Variants in GNPTAB observed in about 807,000 individuals in gnomAD.
GNPTAB encodes N-acetylglucosamine-1-phosphate transferase subunits alpha and beta.
GNPTAB carries 92 observed loss-of-function variants against 136.6 expected under a neutral mutation model. The observed-to-expected ratio is 0.67, with a 90% CI of 0.57 to 0.80. GNPTAB has a LOEUF of 0.80. Ranked by LOEUF, GNPTAB falls within the 30% of genes least tolerant of loss-of-function variation. The pLI, the probability that GNPTAB is intolerant of heterozygous loss-of-function variation, is 0.00. For missense variants in GNPTAB, 1,343 were observed against 1,501.8 expected, an observed-to-expected ratio of 0.89 and a Z score of 1.75; for synonymous variants, 512 against 535.1, an observed-to-expected ratio of 0.96 and a Z score of 0.60.
chr12:101,755,029 T>C (rs1415549093), intron 18 of GNPTAB, among the ~76,000 whole-genome samples: 1 of 152,208 alleles, frequency 6.6e-6, no homozygotes, highest in Non-Finnish European at 1.5e-5. Context: ...GTGAAAGGTG[T>C]ACATTGACAA....
intron 11 of GNPTAB, among the ~76,000 whole-genome samples, chr12:101,767,014 T>C (rs1379196156): frequency 6.6e-6 from 1 of 152,238 alleles, no homozygotes; most frequent in Non-Finnish European, 1.5e-5. Context: ...CAGTAGAGAC[T>C]GACTTCTCTG....
chr12:101,781,566 T>A (rs1282317219), intron 5 of GNPTAB, among the ~76,000 whole-genome samples: 5 of 152,038 alleles, frequency 3.3e-5, no homozygotes, highest in African/African-American at 1.2e-4. Flanking sequence ...GCACCTATAG[T>A]CCCAGCTACT....
chr12:101,751,849 G>A (rs1028389055), intron 19 of GNPTAB, among the ~76,000 whole-genome samples: 2 of 152,208 alleles, frequency 1.3e-5, no homozygotes, highest in Non-Finnish European at 1.5e-5. Context: ...TGGGGAATGG[G>A]CTGTCCAGGT....
At position 101,753,385 on chromosome 12, in the gene GNPTAB, C is replaced by A; in HGVS notation, c.3589G>T (p.Glu1197Ter). ...ATGAGAATTTACCATTCCTGCAGCT[C>A]ATGCATATGAAGGAAACGGTTTCGA... is the stretch of plus-strand genomic sequence containing the variant. ...EYRNRFLHMH[E>*]LQEWRAYRDK... Residue 1197 changes from glutamate (E) to a stop codon, truncating the protein, a stop_gained, in exon 19 of 21, where the codon GAG becomes TAG. Coordinates refer to ENST00000299314, the MANE Select transcript of GNPTAB (RefSeq NM_024312.5). LOFTEE classifies it high-confidence loss of function. 2 of 1,613,724 alleles carry A rather than the reference C, an allele frequency of 1.2e-6. No homozygotes were observed. The highest frequency in any genetic ancestry group is 1.7e-6 in the Non-Finnish European group (2 of 1,179,630).
At chr12:101,814,080 A>G (rs1256705066) in intron 1 of GNPTAB, among the ~76,000 whole-genome samples, 1 of 76,850 alleles carries the variant, frequency 1.3e-5, no homozygotes, top group Non-Finnish European at 2.4e-5. Context: ...CTCCATCTCA[A>G]AAAAAAAAAA....
chr12:101,830,699 C>A lies in GNPTAB; in HGVS notation c.-24G>T. On this transcript the variant is annotated 5_prime_UTR_variant, in exon 1 of 21. Transcript: ENST00000299314. The stretch of plus-strand genomic sequence containing the variant: ...ATCACCCCTTCACCGCCACGCCACG[C>A]CCCGAGGAGCCTGAGCCGCCGCCGC... 1 of 1,431,630 alleles carries A rather than the reference C, an allele frequency of 7.0e-7. No homozygotes were observed. The highest frequency in any genetic ancestry group is 9.7e-7 in the Non-Finnish European group (1 of 1,034,246). 88.7% of individuals were successfully genotyped at this position (1,431,630 alleles called of 1,614,324 possible).
At chr12:101,799,767 T>G (rs544496493) in intron 1 of GNPTAB, among the ~76,000 whole-genome samples, 2 of 149,078 alleles carry the variant, frequency 1.3e-5, no homozygotes, top group Non-Finnish European at 3.0e-5. Flanking sequence ...ACAATGCCCA[T>G]GGCCACCCAG....
chr12:101,783,964 C>CA (rs1009031646), intron 5 of GNPTAB, among the ~76,000 whole-genome samples: 2 of 152,050 alleles, frequency 1.3e-5, no homozygotes, highest in Non-Finnish European at 2.9e-5. Flanking sequence ...GCAATCTGCC[C>CA]ACCTTGGCCT....
chr12:101,780,102 C>T (rs765011997), intron 7 of GNPTAB, 50 bp downstream of exon 7: 1 of 1,552,454 alleles, frequency 6.4e-7, no homozygotes, highest in Admixed American at 1.7e-5. Flanking sequence ...AAGAATCACA[C>T]ATTAAATGAG....
intron 1 of GNPTAB, among the ~76,000 whole-genome samples, chr12:101,824,492 A>G (rs1334106011): frequency 1.6e-5 from 2 of 128,990 alleles, no homozygotes; most frequent in Non-Finnish European, 3.1e-5. Flanking sequence ...TTTGAGACAG[A>G]GCCTCACTCT....
At chr12:101,819,483 A>C (rs1870691052) in intron 1 of GNPTAB, among the ~76,000 whole-genome samples, 1 of 152,224 alleles carries the variant, frequency 6.6e-6, no homozygotes. Flanking sequence ...GAGAGACAGA[A>C]ATGAAGTGAG....
intron 1 of GNPTAB, among the ~76,000 whole-genome samples, chr12:101,823,609 CAAAAAAAAA>C (rs5800490): frequency 4.4e-5 from 4 of 91,350 alleles, no homozygotes; most frequent in South Asian, 3.7e-4. Context: ...GACTCCGTCT[CAAAAAAAAA>C]AAAAAAAAAA....
intron 1 of GNPTAB, among the ~76,000 whole-genome samples, chr12:101,802,218 GAAAAGAAAAGAAA>G (rs1248255810): frequency 7.7e-6 from 1 of 129,350 alleles, no homozygotes; most frequent in Non-Finnish European, 1.6e-5. Flanking sequence ...AAAAAAAAAA[GAAAAGAAAAGAAA>G]AAAAGAAAAA....
Position 101,766,078 on chromosome 12 carries a change from G to T in GNPTAB, c.1612+13C>A. The stretch of plus-strand genomic sequence containing the variant: ...TTATGCTCCCATTCTTATTTGTTTG[G>T]CAGTAAACATACCTTGCCCACAGTC... On this transcript the variant is annotated intron_variant, in intron 12 of 20. Transcript: ENST00000299314. 1 of 1,609,156 alleles carries T rather than the reference G, an allele frequency of 6.2e-7. No individual in the cohort carries two copies. Among genetic ancestry groups the T allele is most frequent in the Non-Finnish European group, 8.5e-7 (1 of 1,176,012 alleles).
intron 7 of GNPTAB, among the ~76,000 whole-genome samples, chr12:101,771,402 C>T (rs1953173912): frequency 6.6e-6 from 1 of 152,118 alleles, no homozygotes; most frequent in African/African-American, 2.4e-5. Context: ...CATCATCACG[C>T]CCGGCAAACT....
chr12:101,793,974 G>A (rs1869137654), intron 2 of GNPTAB, among the ~76,000 whole-genome samples: 1 of 152,110 alleles, frequency 6.6e-6, no homozygotes, highest in Non-Finnish European at 1.5e-5. Context: ...CTCCCAAGTA[G>A]CTGGGATTAT....
chr12:101,748,031 G>C (rs1204367177), intron 20 of GNPTAB, among the ~76,000 whole-genome samples: 3 of 152,064 alleles, frequency 2.0e-5, no homozygotes, highest in Non-Finnish European at 4.4e-5. Flanking sequence ...CCCATCCTAG[G>C]TCAGCACAGC....
At chr12:101,796,259 A>T in intron 2 of GNPTAB, 1 of 702,522 alleles carries the variant, frequency 1.4e-6, no homozygotes, top group Non-Finnish European at 2.6e-6. Flanking sequence ...TTTACCTCAC[A>T]GACCTGGGGA....
chr12:101,753,656 TG>T lies in GNPTAB; in HGVS notation c.3435-118del, dbSNP rs1952856134. On this transcript the variant is annotated intron_variant, in intron 18 of 20. Transcript: ENST00000299314. ...GACTTATGTCCCAAGTTGGTATATT[TG>T]CTGATATGATTCTCTGGGGGAATGA... 3 of 842,640 alleles carry T rather than the reference TG, an allele frequency of 3.6e-6. No homozygotes were observed. In the Admixed American group the frequency reaches 6.1e-5, roughly 17 times the overall value. 52.2% of individuals were successfully genotyped at this position (842,640 alleles called of 1,614,324 possible).
Sources: gnomAD v4.1 joint callset for allele counts (sites outside exome capture counted in the v4.1 genomes callset) on GRCh38, gnomAD v4.1.1 for gene constraint, MANE v1.5 for transcripts, NCBI Gene and HGNC (gene_info 2026-07-23, HGNC 2026-07-21) for gene names.